The following UVRAG variants were observed in gnomAD, a reference collection of about 807,000 sequenced individuals.
The protein encoded by UVRAG is UV radiation resistance-associated gene protein.
Under a neutral mutation model 78.0 loss-of-function variants are expected in UVRAG, and 19 were observed. The ratio of observed to expected loss-of-function variants is 0.24; its 90% CI spans 0.17 to 0.36. UVRAG has a LOEUF of 0.36. Among genes scored for constraint, UVRAG ranks in the 10% least tolerant of loss-of-function variants. The pLI is 1.00. For missense variants in UVRAG, 740 were observed against 853.8 expected (o/e 0.87, Z 1.66); for synonymous variants, 323 against 324.6 (o/e 1.00, Z 0.05).
intron 14 of UVRAG, among the ~76,000 whole-genome samples, chr11:76,127,138 A>C (rs1475143269): frequency 1.3e-5 from 2 of 152,220 alleles, no homozygotes; most frequent in Non-Finnish European, 2.9e-5. Flanking sequence ...CCTTAATGAT[A>C]GGAATCTTAT....
chr11:76,040,345 C>T (rs958526943), intron 12 of UVRAG, among the ~76,000 whole-genome samples: 18 of 151,562 alleles, frequency 1.2e-4, no homozygotes, highest in East Asian at 1.2e-3. Flanking sequence ...TGGTGGCGGG[C>T]GCCTGTAGTC....
intron 12 of UVRAG, among the ~76,000 whole-genome samples, chr11:76,045,185 T>C (rs1420763492): frequency 6.6e-6 from 1 of 152,194 alleles, no homozygotes; most frequent in African/African-American, 2.4e-5. Flanking sequence ...CTAGCATAAC[T>C]GAGGGCAGAG....
chr11:75,863,588 T>C (rs1478241752), intron 3 of UVRAG, among the ~76,000 whole-genome samples: 2 of 152,220 alleles, frequency 1.3e-5, no homozygotes, highest in African/African-American at 2.4e-5. Flanking sequence ...CCCAAATCCA[T>C]ATTTCTAAAG....
intron 13 of UVRAG, among the ~76,000 whole-genome samples, chr11:76,087,028 G>C (rs1386579143): frequency 2.6e-5 from 4 of 152,176 alleles, no homozygotes; most frequent in African/African-American, 9.7e-5. Flanking sequence ...ATTTTGTGAA[G>C]CCCTAACATA....
intron 13 of UVRAG, among the ~76,000 whole-genome samples, chr11:76,086,839 T>A (rs1019030642): frequency 2.0e-5 from 3 of 152,264 alleles, no homozygotes; most frequent in Non-Finnish European, 4.4e-5. Flanking sequence ...AGGCTGTGGA[T>A]CTAGCAGCAG....
At chr11:76,087,829 A>ATAC (rs1186184231) in intron 13 of UVRAG, among the ~76,000 whole-genome samples, 3 of 152,130 alleles carry the variant, frequency 2.0e-5, no homozygotes, top group African/African-American at 4.8e-5. Flanking sequence ...CTGAACCCTG[A>ATAC]TACTACTTGG....
rs1949541739 is a variant in UVRAG at position 75,988,389 on chromosome 11, C to G, written c.826+4876C>G. 2.6e-5 allele frequency among the ~76,000 whole-genome samples: 4 copies of G among 152,282 alleles called. No individual in the cohort carries two copies. In the South Asian group the frequency reaches 8.3e-4, roughly 32 times the overall value. Reference sequence around the variant, plus strand: ...CAATATGCACTTTTTATATCTGGCTCTTTTTCACTTAGCATAGTAGCTTTG... The same window carrying G: ...CAATATGCACTTTTTATATCTGGCTGTTTTTCACTTAGCATAGTAGCTTTG... On this transcript the variant is annotated intron_variant, in intron 8 of 14. Coordinates refer to ENST00000356136, the MANE Select transcript of UVRAG (RefSeq NM_003369.4).
At chr11:76,022,433 T>C (rs1468672780) in intron 12 of UVRAG, among the ~76,000 whole-genome samples, 2 of 151,784 alleles carry the variant, frequency 1.3e-5, no homozygotes, top group African/African-American at 4.8e-5. Context: ...TCCTTTCAAT[T>C]CTGTCAACAT....
chr11:75,867,919 G>A (rs986216203), intron 3 of UVRAG, among the ~76,000 whole-genome samples: 4 of 152,116 alleles, frequency 2.6e-5, no homozygotes, highest in South Asian at 2.1e-4. Context: ...TATCAAACAC[G>A]GCTACTTTTA....
intron 1 of UVRAG, among the ~76,000 whole-genome samples, chr11:75,816,319 A>C (rs181746272): frequency 3.3e-5 from 5 of 152,336 alleles, no homozygotes; most frequent in African/African-American, 9.6e-5. Flanking sequence ...TTTCACTCAC[A>C]TATCTGTAGA....
At chr11:76,047,302 C>G (rs1187770333) in intron 12 of UVRAG, among the ~76,000 whole-genome samples, 1 of 152,158 alleles carries the variant, frequency 6.6e-6, no homozygotes, top group Non-Finnish European at 1.5e-5. Context: ...CAGTGTTGTC[C>G]AATCCCACCA....
intron 13 of UVRAG, among the ~76,000 whole-genome samples, chr11:76,082,352 AAC>A (rs780678469): frequency 1.3e-5 from 2 of 151,844 alleles, no homozygotes; most frequent in African/African-American, 2.4e-5. Flanking sequence ...CATCCTGGCT[AAC>A]ACGGTGAAAC....
At chr11:76,128,363 G>A (rs73500004) in intron 14 of UVRAG, among the ~76,000 whole-genome samples, 8,576 of 152,172 alleles carry the variant, frequency 0.056, 370 homozygotes, top group East Asian at 0.22. Flanking sequence ...CCCTGCCCAC[G>A]GCCCATGGAA....
At chr11:76,035,027 T>C (rs996634427) in intron 12 of UVRAG, among the ~76,000 whole-genome samples, 1 of 152,164 alleles carries the variant, frequency 6.6e-6, no homozygotes, top group East Asian at 1.9e-4. Context: ...TCTCTTGGAG[T>C]TGATTGACAC....
chr11:76,030,314 T>A (rs557998128), intron 12 of UVRAG, among the ~76,000 whole-genome samples: 2 of 152,268 alleles, frequency 1.3e-5, no homozygotes, highest in East Asian at 3.9e-4. Flanking sequence ...ATTACAGCTG[T>A]GAGCCACAAC....
intron 7 of UVRAG, among the ~76,000 whole-genome samples, chr11:75,975,842 A>G (rs903339932): frequency 3.9e-5 from 6 of 152,148 alleles, no homozygotes; most frequent in African/African-American, 1.4e-4. Context: ...TCTTTTCCTA[A>G]TTGAATACCC....
chr11:76,080,950 C>T (rs1951482971), intron 13 of UVRAG, among the ~76,000 whole-genome samples: 1 of 152,222 alleles, frequency 6.6e-6, no homozygotes, highest in African/African-American at 2.4e-5. Context: ...AGTTTCCCTA[C>T]TTAAATAATG....
chr11:76,006,418 G>C (rs1949940304), intron 9 of UVRAG, among the ~76,000 whole-genome samples: 1 of 152,014 alleles, frequency 6.6e-6, no homozygotes, highest in Non-Finnish European at 1.5e-5. Context: ...CCAGCACTTT[G>C]GGAGGCTGAA....
intron 5 of UVRAG, among the ~76,000 whole-genome samples, chr11:75,900,315 A>T (rs186854357): frequency 1.1e-4 from 16 of 152,238 alleles, no homozygotes; most frequent in African/African-American, 3.6e-4. Context: ...GAGCCTCCTC[A>T]CCCCATCCTG....
Sources: gnomAD v4.1 joint callset for allele counts (sites outside exome capture counted in the v4.1 genomes callset) on GRCh38, gnomAD v4.1.1 for gene constraint, MANE v1.5 for transcripts, NCBI Gene and HGNC (gene_info 2026-07-23, HGNC 2026-07-21) for gene names.